Variants in ZMYND8 observed in about 807,000 individuals in gnomAD.
ZMYND8 encodes zinc finger MYND-type containing 8.
In ZMYND8, 37 loss-of-function variants were observed where a neutral mutation model predicts 140.8. That is an observed-to-expected ratio of 0.26 (90% CI 0.20 to 0.35). The LOEUF is 0.35. Ranked by LOEUF, ZMYND8 falls within the 10% of genes least tolerant of loss-of-function variation. The probability of loss-of-function intolerance (pLI) is 1.00; values close to 1 mark genes in which losing one functional copy is unlikely to be tolerated. For synonymous variants in ZMYND8, 592 were observed against 597.1 expected, an observed-to-expected ratio of 0.99 and a Z score of 0.12; for missense variants, 1,068 against 1,570.0, an observed-to-expected ratio of 0.68 and a Z score of 5.40.
At chr20:47,242,269 G>A (rs2040064202) in intron 14 of ZMYND8, among the ~76,000 whole-genome samples, 1 of 152,182 alleles carries the variant, frequency 6.6e-6, no homozygotes, top group Non-Finnish European at 1.5e-5. Flanking sequence ...CGTTCTCGAT[G>A]GTTATCGAGA....
rs934653491 is a variant in ZMYND8, at chr20:47,345,142, G to A, written c.85+2714C>T. On this transcript the variant is annotated intron_variant, in intron 2 of 22. Coordinates refer to ENST00000471951, the MANE Select transcript of ZMYND8 (RefSeq NM_001281775.3). ...TCTAGCCAGGACAGTGCAGTGAGAC[G>A]TTGTCTTTTATATATATATTTAAAA... Among the ~76,000 whole-genome samples the A allele has an allele frequency of 7.2e-5, 11 of 152,166 alleles. No individual in the cohort carries two copies. In the South Asian group the frequency reaches 1.9e-3, roughly 26 times the overall value.
chr20:47,306,701 G>A (rs944168079), intron 3 of ZMYND8, among the ~76,000 whole-genome samples: 4 of 151,738 alleles, frequency 2.6e-5, no homozygotes, highest in Non-Finnish European at 5.9e-5. Flanking sequence ...CTCCCAAGTA[G>A]CTGGGATTAC....
chr20:47,290,792 T>C lies in ZMYND8; in HGVS notation c.661-518A>G, dbSNP rs565168848. ...TTTTAGTAGAGACGGGGTTTCTCCA[T>C]GTTGGTCAGGCTGGTCTCGAACTCC... is the stretch of plus-strand genomic sequence containing the variant. On this transcript the variant is annotated intron_variant, in intron 6 of 22. Transcript: ENST00000471951. 1.0e-3 allele frequency among the ~76,000 whole-genome samples: 153 copies of C among 152,076 alleles called. 3 individuals are homozygous for C. The South Asian group carries it at 0.031, about 31-fold the overall frequency.
At chr20:47,313,019 C>T (rs376579906) in intron 2 of ZMYND8, among the ~76,000 whole-genome samples, 1 of 152,068 alleles carries the variant, frequency 6.6e-6, no homozygotes, top group Non-Finnish European at 1.5e-5. Flanking sequence ...GTGGGCTGTA[C>T]CCAAAGCACT....
Position 47,288,124 on chromosome 20 carries a change from A to T in ZMYND8, c.749-840T>A, listed in dbSNP as rs563232582. 3.9e-5 allele frequency among the ~76,000 whole-genome samples: 6 copies of T among 152,296 alleles called. No individual in the cohort carries two copies. The South Asian group carries it at 1.2e-3, about 32-fold the overall frequency. On this transcript the variant is annotated intron_variant, in intron 7 of 22. Transcript: ENST00000471951. ...ACACGAAGATTTCACACACACAAACACACAATATACCTACATTTCTGGTTT... is the reference window on the plus strand; with the variant it reads ...ACACGAAGATTTCACACACACAAACTCACAATATACCTACATTTCTGGTTT...
intron 11 of ZMYND8, among the ~76,000 whole-genome samples, chr20:47,273,773 C>T (rs889908952): frequency 2.0e-5 from 3 of 152,112 alleles, no homozygotes; most frequent in East Asian, 1.9e-4. Flanking sequence ...GCTGGGACTA[C>T]AGCAGCTTGT....
intron 2 of ZMYND8, among the ~76,000 whole-genome samples, chr20:47,327,980 A>AT (rs1031569033): frequency 7.3e-5 from 11 of 151,430 alleles, no homozygotes; most frequent in Non-Finnish European, 1.6e-4. Flanking sequence ...AAGCTCAGCA[A>AT]TTTTTTTTTA....
chr20:47,250,040 AT>A (rs924767472), intron 12 of ZMYND8, among the ~76,000 whole-genome samples: 9 of 152,286 alleles, frequency 5.9e-5, no homozygotes, highest in Admixed American at 3.9e-4. Flanking sequence ...GGCTCACAGC[AT>A]CTATGTGAGG....
rs1432020300 is a variant in ZMYND8, at chr20:47,210,654, A to AT, written c.*106dup. 2 of 1,596,780 alleles carry AT rather than the reference A, an allele frequency of 1.3e-6. No individual in the cohort carries two copies. The highest frequency in any genetic ancestry group is 1.7e-4 in the Middle Eastern group (1 of 6,030). On this transcript the variant is annotated 3_prime_UTR_variant, in exon 23 of 23. Coordinates refer to ENST00000471951, the MANE Select transcript of ZMYND8 (RefSeq NM_001281775.3). Reference sequence around the variant, plus strand: ...CTCAGGCTCAACTGAGGGTTTTGTCATTTTCAAGTCTGAAAGTGGCTGTTC... The same window carrying AT: ...CTCAGGCTCAACTGAGGGTTTTGTCATTTTTCAAGTCTGAAAGTGGCTGTTC...
At chr20:47,246,953 A>T (rs1168094319) in intron 13 of ZMYND8, among the ~76,000 whole-genome samples, 2 of 152,024 alleles carry the variant, frequency 1.3e-5, no homozygotes, top group Non-Finnish European at 2.9e-5. Context: ...CCAGGCCAGA[A>T]CCCCGGGTTC....
At chr20:47,219,503 G>A (rs1439594489) in intron 21 of ZMYND8, among the ~76,000 whole-genome samples, 2 of 148,886 alleles carry the variant, frequency 1.3e-5, no homozygotes, top group Non-Finnish European at 3.0e-5. Context: ...TCCAGCCTGG[G>A]CGACAGGGCA....
At chr20:47,259,593 C>T (rs555550100) in intron 12 of ZMYND8, among the ~76,000 whole-genome samples, 1 of 152,260 alleles carries the variant, frequency 6.6e-6, no homozygotes, top group South Asian at 2.1e-4. Flanking sequence ...CTTTCTGAAA[C>T]CCCCATACTG....
intron 7 of ZMYND8, among the ~76,000 whole-genome samples, 184 bp from the exon 8 acceptor site, chr20:47,287,468 C>T (rs1408613616): frequency 2.0e-5 from 3 of 152,130 alleles, no homozygotes; most frequent in African/African-American, 2.4e-5. Flanking sequence ...CCATCAATGT[C>T]GACGACTCTT....
At chr20:47,301,883 G>A (rs1052156049) in intron 3 of ZMYND8, among the ~76,000 whole-genome samples, 1 of 152,104 alleles carries the variant, frequency 6.6e-6, no homozygotes, top group Non-Finnish European at 1.5e-5. Context: ...GGAGGTAATT[G>A]AATCATGGAA....
chr20:47,325,448 C>T (rs2080332489), intron 2 of ZMYND8, among the ~76,000 whole-genome samples: 1 of 152,174 alleles, frequency 6.6e-6, no homozygotes, highest in East Asian at 1.9e-4. Flanking sequence ...CAGCAAACTC[C>T]AGTTTTTCTT....
chr20:47,299,176 T>C (rs2077834846), intron 3 of ZMYND8, among the ~76,000 whole-genome samples: 1 of 152,214 alleles, frequency 6.6e-6, no homozygotes, highest in Non-Finnish European at 1.5e-5. Context: ...AAAGCTGGTA[T>C]CTAAGAGTTA....
intron 2 of ZMYND8, among the ~76,000 whole-genome samples, chr20:47,317,745 A>C (rs1342909826): frequency 6.6e-6 from 1 of 152,192 alleles, no homozygotes; most frequent in Non-Finnish European, 1.5e-5. Context: ...TGCAAACGAC[A>C]GAGAGGCAGG....
At chr20:47,221,264 T>C (rs2036896854) in intron 20 of ZMYND8, 50 bp downstream of exon 20, 1 of 1,603,696 alleles carries the variant, frequency 6.2e-7, no homozygotes. Flanking sequence ...CTAAGTCCAC[T>C]TGGCACAAAG....
chr20:47,298,242 G>A lies in ZMYND8; in HGVS notation c.453+487C>T. The A allele has an allele frequency of 1.0e-6, 1 of 982,278 alleles. No homozygotes were observed. Among genetic ancestry groups the A allele is most frequent in the Non-Finnish European group, 1.2e-6 (1 of 827,474 alleles). The allele number at this position is 982,278 out of a possible 1,614,324, so 60.8% of individuals were successfully genotyped here. ...ACTGTCGAATTCCCAGCACCTAATA[G>A]GCACTCAAGAAATACTTGTTGCACA... On this transcript the variant is annotated intron_variant, in intron 4 of 22. Transcript: ENST00000471951. This position sits in a 1 kb window ranked among gnomAD's most constrained non-coding sequence, Gnocchi z 5.0.
Sources: gnomAD v4.1 joint callset for allele counts (sites outside exome capture counted in the v4.1 genomes callset) on GRCh38, gnomAD v4.1.1 for gene constraint, Gnocchi (gnomAD v3.1) non-coding constraint, MANE v1.5 for transcripts, NCBI Gene and HGNC (gene_info 2026-07-23, HGNC 2026-07-21) for gene names.